The following COL19A1 variants were observed in gnomAD, a reference collection of about 807,000 sequenced individuals.
COL19A1 encodes the protein collagen type XIX alpha 1 chain.
A neutral mutation model predicts 190.2 loss-of-function variants in COL19A1; 159 were observed. That is an observed-to-expected ratio of 0.84 (90% CI 0.73 to 0.95). COL19A1 has a LOEUF of 0.95. COL19A1 is among the 40% of genes least tolerant of loss of function. The pLI, the probability that COL19A1 is intolerant of heterozygous loss-of-function variation, is 0.00. For synonymous variants in COL19A1, 509 were observed against 458.9 expected, an observed-to-expected ratio of 1.11 and a Z score of -1.39; for missense variants, 1,418 against 1,431.9, an observed-to-expected ratio of 0.99 and a Z score of 0.16.
intron 15 of COL19A1, among the ~76,000 whole-genome samples, chr6:70,084,370 G>C (rs572962865): frequency 6.6e-6 from 1 of 152,260 alleles, no homozygotes; most frequent in East Asian, 1.9e-4. Flanking sequence ...GCCGAATTCT[G>C]CTCCCTCAAT....
chr6:70,024,054 G>A (rs754276060), intron 12 of COL19A1, among the ~76,000 whole-genome samples: 1 of 152,076 alleles, frequency 6.6e-6, no homozygotes, highest in Non-Finnish European at 1.5e-5. Context: ...GATGGCGTCT[G>A]TATTGGTAGG....
At chr6:70,203,633 T>C (rs1767683914) in intron 49 of COL19A1, among the ~76,000 whole-genome samples, 4 of 151,988 alleles carry the variant, frequency 2.6e-5, no homozygotes, top group African/African-American at 9.7e-5. Flanking sequence ...TACTGGCCTT[T>C]TTCCGGTATG....
chr6:69,883,569 A>T (rs1340975), intron 2 of COL19A1, among the ~76,000 whole-genome samples: 70,375 of 152,108 alleles, frequency 0.46, 16,678 homozygotes, highest in Middle Eastern at 0.56. Flanking sequence ...ATAAGTTATA[A>T]CTTGACCAGA....
chr6:70,022,075 A>G (rs1208493682), intron 11 of COL19A1, among the ~76,000 whole-genome samples: 1 of 152,154 alleles, frequency 6.6e-6, no homozygotes, highest in Non-Finnish European at 1.5e-5. Flanking sequence ...GAGAGTGTGC[A>G]AAGGTATTTC....
chr6:69,932,256 A>T (rs1217120120), intron 6 of COL19A1, among the ~76,000 whole-genome samples: 1 of 152,032 alleles, frequency 6.6e-6, no homozygotes, highest in East Asian at 1.9e-4. Context: ...ATACCAATAT[A>T]ATATAAAATC....
At position 70,207,189 on chromosome 6, in the gene COL19A1, G is replaced by GC; in HGVS notation, c.3350dup (p.Gly1118ArgfsTer7). 6.2e-7 allele frequency: 1 copy of GC among 1,613,248 alleles called. No homozygotes were observed. The highest frequency in any genetic ancestry group is 8.5e-7 in the Non-Finnish European group (1 of 1,179,454). ...TCACCAGGTGCCCCAGGCCCACAGG[G>GC]CCCCCCAGGACCCAGTGGAAGATGT... On this transcript the variant is annotated frameshift_variant, in exon 51 of 51. Coordinates refer to ENST00000620364, the MANE Select transcript of COL19A1 (RefSeq NM_001858.6). LOFTEE classifies it high-confidence loss of function.
chr6:70,068,740 G>A (rs1013857173), intron 15 of COL19A1, among the ~76,000 whole-genome samples: 3 of 152,002 alleles, frequency 2.0e-5, no homozygotes, highest in African/African-American at 7.2e-5. Flanking sequence ...CACTACTTTG[G>A]TCATACTTTT....
At position 69,932,808 on chromosome 6, in the gene COL19A1, A is replaced by G; in HGVS notation, c.692A>G (p.Tyr231Cys). 1 of 1,606,362 alleles carries G rather than the reference A, an allele frequency of 6.2e-7. No homozygotes were observed. The highest frequency in any genetic ancestry group is 1.3e-5 in the African/African-American group (1 of 74,786). The change falls in exon 7 of 51, where the codon TAC (tyrosine) becomes TGC (cysteine). Residue 231 changes from tyrosine (Y) to cysteine (C), a missense_variant. Physicochemically the swap from Tyr to Cys is radical, Grantham distance 194 (BLOSUM62 -2). Transcript: ENST00000620364. The stretch of plus-strand genomic sequence containing the variant: ...ATTGAACTTCACCAACTTAAAATCT[A>G]CTGCAGTGCAAACCTCATAGCTCAA... ...VDIELHQLKI[Y>C]CSANLIAQET...
At chr6:70,128,059 G>A (rs1162540136) in intron 17 of COL19A1, among the ~76,000 whole-genome samples, 6 of 152,142 alleles carry the variant, frequency 3.9e-5, no homozygotes, top group Non-Finnish European at 7.3e-5. Context: ...ACTAAACAAT[G>A]TTAGCAGCGT....
At chr6:70,035,103 G>A (rs1779277877) in intron 13 of COL19A1, among the ~76,000 whole-genome samples, 1 of 152,208 alleles carries the variant, frequency 6.6e-6, no homozygotes, top group Non-Finnish European at 1.5e-5. Context: ...GATACTCATT[G>A]TGAGACTACA....
At chr6:70,115,756 G>C (rs912560146) in intron 16 of COL19A1, among the ~76,000 whole-genome samples, 1 of 151,290 alleles carries the variant, frequency 6.6e-6, no homozygotes, top group East Asian at 1.9e-4. Flanking sequence ...CTTGGCTTTA[G>C]GAATCACATT....
rs567612771 is a variant in COL19A1, at chr6:69,929,348, T to G, written c.391-77T>G. 5 of 1,418,456 alleles carry G rather than the reference T, an allele frequency of 3.5e-6. No homozygotes were observed. The South Asian group carries it at 5.5e-5, about 16-fold the overall frequency. The allele number at this position is 1,418,456 out of a possible 1,614,324, so 87.9% of individuals were successfully genotyped here. The stretch of plus-strand genomic sequence containing the variant: ...GCCTCAGTTATACTAATATGCATCT[T>G]GAGCTTTTCTTTGTGTGCTTTAATA... On this transcript the variant is annotated intron_variant, in intron 5 of 50. Transcript: ENST00000620364.
rs1034329685 is a variant in COL19A1 at position 70,083,256 on chromosome 6, T to C, written c.1224+14780T>C. 9.2e-5 allele frequency among the ~76,000 whole-genome samples: 14 copies of C among 152,344 alleles called. No individual in the cohort carries two copies. In the East Asian group the frequency reaches 2.5e-3, roughly 27 times the overall value. ...TTTTTGTTTCATTGTAATTACAAAA[T>C]GATAAAAAGTTAATGAGTGCCATAG... On this transcript the variant is annotated intron_variant, in intron 15 of 50. Transcript: ENST00000620364.
Position 69,895,921 on chromosome 6 carries a change from G to A in COL19A1, c.92-3027G>A, listed in dbSNP as rs374029296. ...CTGGTTTTAGACTATTATGTGTAAC[G>A]CTGCCATTAATATTCTTGTCTAAAA... On this transcript the variant is annotated intron_variant, in intron 2 of 50. Coordinates refer to ENST00000620364, the MANE Select transcript of COL19A1 (RefSeq NM_001858.6). Among the ~76,000 whole-genome samples the A allele has an allele frequency of 9.9e-5, 15 of 151,992 alleles. No homozygotes were observed. In the East Asian group the frequency reaches 1.7e-3, roughly 18 times the overall value.
intron 48 of COL19A1, 97 bp downstream of exon 48, chr6:70,190,478 A>T (rs1486298695): frequency 3.7e-6 from 3 of 805,056 alleles, no homozygotes; most frequent in Admixed American, 5.3e-5. Context: ...AAAGATGGCC[A>T]TGCCACAAAA....
intron 15 of COL19A1, among the ~76,000 whole-genome samples, chr6:70,090,533 C>T (rs1252264856): frequency 6.9e-6 from 1 of 144,248 alleles, no homozygotes; most frequent in African/African-American, 2.5e-5. Flanking sequence ...GGATCTGGAA[C>T]AAATCTCCCA....
At chr6:70,055,788 A>AT (rs1554196912) in intron 14 of COL19A1, among the ~76,000 whole-genome samples, 2 of 130,590 alleles carry the variant, frequency 1.5e-5, no homozygotes, top group African/African-American at 2.9e-5. Context: ...TATTAAAAAA[A>AT]AAAAAAAAAA....
At chr6:70,201,154 C>T (rs1489114036) in intron 49 of COL19A1, among the ~76,000 whole-genome samples, 1 of 152,160 alleles carries the variant, frequency 6.6e-6, no homozygotes, top group Non-Finnish European at 1.5e-5. Context: ...GCAGCGTTAA[C>T]ACCAATAGGA....
At chr6:69,956,505 T>G (rs549086954) in intron 9 of COL19A1, among the ~76,000 whole-genome samples, 1 of 152,040 alleles carries the variant, frequency 6.6e-6, no homozygotes, top group East Asian at 1.9e-4. Flanking sequence ...AATTTAAAAA[T>G]ATAGGTTTTT....
Sources: gnomAD v4.1 joint callset for allele counts (sites outside exome capture counted in the v4.1 genomes callset) on GRCh38, gnomAD v4.1.1 for gene constraint, MANE v1.5 for transcripts, NCBI Gene and HGNC (gene_info 2026-07-23, HGNC 2026-07-21) for gene names.